Variants in SLC26A8 observed in about 807,000 individuals in gnomAD.
SLC26A8 encodes the protein testis anion transporter 1.
SLC26A8 carries 70 observed loss-of-function variants against 105.0 expected under a neutral mutation model. The ratio of observed to expected loss-of-function variants is 0.67; its 90% CI spans 0.55 to 0.81. SLC26A8 has a LOEUF of 0.81. SLC26A8 is among the 40% of genes least tolerant of loss of function. The pLI is 0.00. For missense variants in SLC26A8, 998 were observed against 1,181.8 expected (o/e 0.84, Z 2.28); for synonymous variants, 415 against 438.3 (o/e 0.95, Z 0.66).
At chr6:35,945,397 G>T (rs1307289064) in intron 19 of SLC26A8, among the ~76,000 whole-genome samples, 1 of 152,166 alleles carries the variant, frequency 6.6e-6, no homozygotes, top group African/African-American at 2.4e-5. Flanking sequence ...GATCTTACTT[G>T]TCTTGCCAAC....
intron 6 of SLC26A8, among the ~76,000 whole-genome samples, chr6:35,992,301 A>G (rs1177492493): frequency 6.6e-6 from 1 of 152,202 alleles, no homozygotes; most frequent in Admixed American, 6.5e-5. Flanking sequence ...TGGTTAGTCA[A>G]CTGAAAGCAT....
chr6:36,006,408 C>T (rs1761686796), intron 3 of SLC26A8, among the ~76,000 whole-genome samples: 2 of 152,178 alleles, frequency 1.3e-5, no homozygotes, highest in Admixed American at 6.5e-5. Context: ...GTGTGAGCTA[C>T]CATAACCAGT....
Position 35,951,150 on chromosome 6 carries a change from C to A in SLC26A8, c.2472+13G>T, listed in dbSNP as rs369433155. 1 of 1,462,354 alleles carries A rather than the reference C, an allele frequency of 6.8e-7. No homozygotes were observed. The highest frequency in any genetic ancestry group is 1.8e-5 in the Admixed American group (1 of 55,080). The allele number at this position is 1,462,354 out of a possible 1,614,324, so 90.6% of individuals were successfully genotyped here. ...CCCTTCCCCCAACCTCATGCTTTGT[C>A]GGTTTGTCTGACCTTGTCTGTTTCT... On this transcript the variant is annotated intron_variant, in intron 19 of 19. Coordinates refer to ENST00000490799, the MANE Select transcript of SLC26A8 (RefSeq NM_052961.4).
chr6:36,016,824 CT>C (rs1762005959), intron 2 of SLC26A8, among the ~76,000 whole-genome samples: 2 of 152,094 alleles, frequency 1.3e-5, no homozygotes, highest in African/African-American at 2.4e-5. Context: ...GATCAAAGAC[CT>C]AAATTTAAAA....
At chr6:35,973,816 AC>A (rs1243630475) in intron 10 of SLC26A8, among the ~76,000 whole-genome samples, 1 of 152,130 alleles carries the variant, frequency 6.6e-6, no homozygotes. Flanking sequence ...TTCGTTTCTG[AC>A]CATGGCTACA....
chr6:35,967,595 C>G (rs1280523032), intron 11 of SLC26A8, among the ~76,000 whole-genome samples: 1 of 152,128 alleles, frequency 6.6e-6, no homozygotes, highest in Non-Finnish European at 1.5e-5. Context: ...AACTTTCAGA[C>G]CTGCCTTCTA....
chr6:36,020,605 C>A (rs1036679023), intron 1 of SLC26A8, among the ~76,000 whole-genome samples: 2 of 151,814 alleles, frequency 1.3e-5, no homozygotes, highest in Non-Finnish European at 2.9e-5. Flanking sequence ...GGTGTCAGAG[C>A]GAGACCCTGT....
At chr6:35,951,606 G>T in intron 17 of SLC26A8, 107 bp from the exon 18 acceptor site, 2 of 1,136,282 alleles carry the variant, frequency 1.8e-6, no homozygotes, top group African/African-American at 1.5e-5. Flanking sequence ...TTGTGACAGA[G>T]TCTCACTCTG....
At chr6:35,980,652 A>G (rs1773231350) in intron 8 of SLC26A8, among the ~76,000 whole-genome samples, 1 of 152,138 alleles carries the variant, frequency 6.6e-6, no homozygotes, top group African/African-American at 2.4e-5. Context: ...AAGTTGATTC[A>G]GCCATCGTCA....
chr6:36,009,804 G>C (rs1279020842), intron 3 of SLC26A8, among the ~76,000 whole-genome samples: 2 of 152,202 alleles, frequency 1.3e-5, no homozygotes, highest in African/African-American at 4.8e-5. Flanking sequence ...TCCTGGTTGT[G>C]AGACTGAACC....
intron 5 of SLC26A8, among the ~76,000 whole-genome samples, chr6:35,994,106 TTTTTC>T (rs1562055696): frequency 2.9e-5 from 4 of 139,140 alleles, no homozygotes; most frequent in Non-Finnish European, 3.1e-5. Flanking sequence ...TCTCCCTTTT[TTTTTC>T]TTTTCTTTTT....
chr6:35,998,153 A>G (rs1361110986), intron 4 of SLC26A8, among the ~76,000 whole-genome samples: 2 of 152,184 alleles, frequency 1.3e-5, no homozygotes, highest in African/African-American at 2.4e-5. Flanking sequence ...TCTTTGTGTT[A>G]TGGGTATGTT....
chr6:36,016,656 C>T (rs1762002361), intron 2 of SLC26A8, among the ~76,000 whole-genome samples: 1 of 152,030 alleles, frequency 6.6e-6, no homozygotes, highest in Non-Finnish European at 1.5e-5. Context: ...CCTTATAATC[C>T]TGCTTATTTT....
intron 11 of SLC26A8, among the ~76,000 whole-genome samples, chr6:35,968,420 C>T (rs1562030235): frequency 6.6e-6 from 1 of 151,646 alleles, no homozygotes; most frequent in African/African-American, 2.4e-5. Context: ...GCTGGGATTA[C>T]AGGCGGTGCC....
At chr6:36,015,106 CTTT>C (rs771966624) in intron 2 of SLC26A8, among the ~76,000 whole-genome samples, 8 of 127,008 alleles carry the variant, frequency 6.3e-5, no homozygotes, top group Non-Finnish European at 3.4e-5. Flanking sequence ...CAAAATTGTG[CTTT>C]TTTTTTTTTT....
chr6:35,991,329 G>C (rs954036400), intron 7 of SLC26A8, among the ~76,000 whole-genome samples: 1 of 151,196 alleles, frequency 6.6e-6, no homozygotes, highest in Non-Finnish European at 1.5e-5. Flanking sequence ...GCTTGAACCT[G>C]GGAGGCAGAG....
In SLC26A8 at chr6:36,019,709, C is replaced by G. The variant is rs762147711; in HGVS notation, c.-2G>C. 5 of 1,608,544 alleles carry G rather than the reference C, an allele frequency of 3.1e-6. No homozygotes were observed. The Admixed American group carries it at 8.4e-5, about 27-fold the overall frequency. ...GGCGCTCCTCTCTAGTTGTGCCATT[C>G]CTGGATGAGTGGAAAGAGAGCAAAT... On this transcript the variant is annotated splice_region_variant and 5_prime_UTR_variant, in exon 2 of 20. Coordinates refer to ENST00000490799, the MANE Select transcript of SLC26A8 (RefSeq NM_052961.4).
intron 11 of SLC26A8, among the ~76,000 whole-genome samples, chr6:35,963,016 A>T (rs530348585): frequency 6.6e-6 from 1 of 152,118 alleles, no homozygotes; most frequent in Admixed American, 6.5e-5. Flanking sequence ...CAAAAACACA[A>T]GGCAAGGTCA....
At chr6:35,956,934 AAAAC>A (rs1772092652) in intron 16 of SLC26A8, among the ~76,000 whole-genome samples, 1 of 151,724 alleles carries the variant, frequency 6.6e-6, no homozygotes, top group Non-Finnish European at 1.5e-5. Context: ...GAAAAAAAAA[AAAAC>A]AAAAGCTGGG....
Sources: gnomAD v4.1 joint callset for allele counts (sites outside exome capture counted in the v4.1 genomes callset) on GRCh38, gnomAD v4.1.1 for gene constraint, MANE v1.5 for transcripts, NCBI Gene and HGNC (gene_info 2026-07-23, HGNC 2026-07-21) for gene names.